PHKB: variants seen among roughly 807,000 people sequenced by gnomAD.
The protein encoded by PHKB is phosphorylase b kinase regulatory subunit beta.
In PHKB, 122 loss-of-function variants were observed where a neutral mutation model predicts 152.1. The ratio of observed to expected loss-of-function variants is 0.80; its 90% CI spans 0.69 to 0.93. The LOEUF (loss-of-function observed/expected upper bound fraction) is 0.93, where lower values mean the gene tolerates loss of function less well. Among genes scored for constraint, PHKB ranks in the 40% least tolerant of loss-of-function variants. PHKB has a pLI of 0.00. For synonymous variants in PHKB, 436 were observed against 464.9 expected, an observed-to-expected ratio of 0.94 and a Z score of 0.80; for missense variants, 1,304 against 1,328.4, an observed-to-expected ratio of 0.98 and a Z score of 0.29.
In PHKB at chr16:47,610,816, T is replaced by C. The variant is rs199899291; in HGVS notation, c.1364-10T>C. ...ATTTTCGATAATGTCATTCCCCTTC[T>C]TTTTTTCAGCTGATGAACTTATTAG... On this transcript the variant is annotated splice_polypyrimidine_tract_variant and intron_variant, in intron 13 of 30. Transcript: ENST00000323584. The C allele has an allele frequency of 4.3e-4, 662 of 1,545,412 alleles. 1 individual carries two copies. The highest frequency in any genetic ancestry group is 5.7e-4 in the Non-Finnish European group (640 of 1,117,758).
At chr16:47,631,932 C>T (rs1972834847) in intron 14 of PHKB, among the ~76,000 whole-genome samples, 1 of 152,092 alleles carries the variant, frequency 6.6e-6, no homozygotes, top group South Asian at 2.1e-4. Context: ...TTAGTTCAAC[C>T]ATTGAGGAAG....
chr16:47,680,707 T>A (rs531592535), intron 26 of PHKB, among the ~76,000 whole-genome samples: 3 of 152,344 alleles, frequency 2.0e-5, no homozygotes, highest in Admixed American at 2.0e-4. Flanking sequence ...TGTTGATCTT[T>A]TCAAAAAACC....
At chr16:47,511,451 T>C (rs1042038923) in intron 4 of PHKB, among the ~76,000 whole-genome samples, 3 of 152,240 alleles carry the variant, frequency 2.0e-5, no homozygotes, top group Non-Finnish European at 4.4e-5. Flanking sequence ...TTGCTGTGCA[T>C]GTGAAATATC....
At chr16:47,654,306 G>A (rs965164374) in intron 20 of PHKB, among the ~76,000 whole-genome samples, 1 of 152,124 alleles carries the variant, frequency 6.6e-6, no homozygotes, top group African/African-American at 2.4e-5. Context: ...GAAACAACAG[G>A]TGCTGGAGAG....
intron 6 of PHKB, among the ~76,000 whole-genome samples, chr16:47,520,458 C>T (rs992593526): frequency 6.6e-6 from 1 of 152,192 alleles, no homozygotes; most frequent in Non-Finnish European, 1.5e-5. Flanking sequence ...ACATGTAGTA[C>T]GTGGCAGGGC....
chr16:47,611,629 T>A (rs1294333483), intron 14 of PHKB, among the ~76,000 whole-genome samples: 4 of 151,972 alleles, frequency 2.6e-5, no homozygotes, highest in Non-Finnish European at 5.9e-5. Flanking sequence ...CAAATGGAAA[T>A]GTTCCTTATA....
chr16:47,556,200 C>T (rs1012036433), intron 7 of PHKB, among the ~76,000 whole-genome samples: 1 of 152,218 alleles, frequency 6.6e-6, no homozygotes, highest in African/African-American at 2.4e-5. Flanking sequence ...GATATACAAT[C>T]ATGTCATCTG....
intron 1 of PHKB, among the ~76,000 whole-genome samples, chr16:47,469,276 C>T (rs1200441482): frequency 6.6e-6 from 1 of 152,086 alleles, no homozygotes; most frequent in Admixed American, 6.6e-5. Flanking sequence ...ATGTTAGACT[C>T]GTACAACTAG....
chr16:47,680,521 A>G (rs1973830186), intron 26 of PHKB, among the ~76,000 whole-genome samples: 1 of 152,162 alleles, frequency 6.6e-6, no homozygotes. Context: ...CGAGGAATTT[A>G]TCCATTTCTT....
chr16:47,486,647 G>A (rs1256262542), intron 1 of PHKB, among the ~76,000 whole-genome samples: 1 of 152,106 alleles, frequency 6.6e-6, no homozygotes, highest in Non-Finnish European at 1.5e-5. Context: ...CAACCTTTGT[G>A]CCCTCGTCAC....
intron 26 of PHKB, among the ~76,000 whole-genome samples, chr16:47,669,829 A>T (rs191719089): frequency 9.8e-5 from 15 of 152,358 alleles, no homozygotes; most frequent in African/African-American, 3.6e-4. Flanking sequence ...AGAATATTCT[A>T]TACCCATTTT....
chr16:47,503,957 C>G (rs1161153304), intron 4 of PHKB, among the ~76,000 whole-genome samples: 4 of 152,182 alleles, frequency 2.6e-5, no homozygotes, highest in African/African-American at 9.7e-5. Flanking sequence ...CCTTACTTAC[C>G]TACATCTCTG....
At chr16:47,527,880 G>A (rs1970794689) in intron 6 of PHKB, among the ~76,000 whole-genome samples, 1 of 152,170 alleles carries the variant, frequency 6.6e-6, no homozygotes. Context: ...CAGGAGGATG[G>A]CCTTCTGCTA....
intron 7 of PHKB, among the ~76,000 whole-genome samples, chr16:47,550,827 G>T (rs954995343): frequency 1.1e-4 from 17 of 152,146 alleles, no homozygotes; most frequent in Non-Finnish European, 2.1e-4. Context: ...TAGAATTCAG[G>T]TGTGAGTCCG....
chr16:47,520,624 T>C (rs1259849918), intron 6 of PHKB, among the ~76,000 whole-genome samples: 1 of 152,244 alleles, frequency 6.6e-6, no homozygotes, highest in African/African-American at 2.4e-5. Context: ...ACCTAAGGCT[T>C]ACAGGTTTAT....
At chr16:47,588,154 C>T (rs1312210696) in intron 9 of PHKB, among the ~76,000 whole-genome samples, 25 of 151,712 alleles carry the variant, frequency 1.6e-4, no homozygotes. Context: ...CACTTTTTCC[C>T]CTTGCCTGAT....
intron 8 of PHKB, among the ~76,000 whole-genome samples, chr16:47,586,034 G>C (rs1190070054): frequency 6.6e-6 from 1 of 152,004 alleles, no homozygotes; most frequent in Non-Finnish European, 1.5e-5. Flanking sequence ...CTGCTGTTTT[G>C]TTCTAACTAC....
At chr16:47,696,249 G>T in intron 28 of PHKB, 132 bp from the exon 29 acceptor site, 2 of 704,416 alleles carry the variant, frequency 2.8e-6, no homozygotes, top group Non-Finnish European at 5.2e-6. Flanking sequence ...AAATCCAGTT[G>T]TGTAGCTGAA....
chr16:47,475,329 C>A (rs1329517111), intron 1 of PHKB, among the ~76,000 whole-genome samples: 1 of 152,184 alleles, frequency 6.6e-6, no homozygotes, highest in East Asian at 1.9e-4. Context: ...ATCTCAAGTT[C>A]TAGCATGCTT....
Sources: gnomAD v4.1 joint callset for allele counts (sites outside exome capture counted in the v4.1 genomes callset) on GRCh38, gnomAD v4.1.1 for gene constraint, MANE v1.5 for transcripts, NCBI Gene and HGNC (gene_info 2026-07-23, HGNC 2026-07-21) for gene names.